Variants in ARHGAP24 observed in about 807,000 individuals in gnomAD.
The protein encoded by ARHGAP24 is rho GTPase-activating protein 24.
ARHGAP24 carries 50 observed loss-of-function variants against 76.4 expected under a neutral mutation model. The ratio of observed to expected loss-of-function variants is 0.65; its 90% CI spans 0.52 to 0.83. ARHGAP24 has a LOEUF of 0.83. ARHGAP24 is among the 40% of genes least tolerant of loss of function. The pLI is 0.00. For missense variants in ARHGAP24, 930 were observed against 914.2 expected, an observed-to-expected ratio of 1.02 and a Z score of -0.22; for synonymous variants, 345 against 323.3, an observed-to-expected ratio of 1.07 and a Z score of -0.72.
intron 2 of ARHGAP24, among the ~76,000 whole-genome samples, chr4:85,611,824 T>A (rs890892339): frequency 4.6e-5 from 7 of 152,204 alleles, no homozygotes; most frequent in African/African-American, 1.7e-4. Flanking sequence ...TGTGAGTACA[T>A]CTTGTTTTCA....
At chr4:85,671,667 C>CTT (rs568598092) in intron 2 of ARHGAP24, among the ~76,000 whole-genome samples, 3 of 152,122 alleles carry the variant, frequency 2.0e-5, no homozygotes, top group African/African-American at 7.2e-5. Context: ...TCCAAAAATA[C>CTT]TTTTTATGTA....
In ARHGAP24 at chr4:85,643,388, A is replaced by G. The variant is rs1392053992; in HGVS notation, c.180+72667A>G. Among the ~76,000 whole-genome samples the G allele has an allele frequency of 8.3e-5, 10 of 119,854 alleles. 3 individuals carry two copies. Among genetic ancestry groups the G allele is most frequent in the African/African-American group, 1.4e-4 (5 of 35,578 alleles). 78.6% of individuals were successfully genotyped at this position (119,854 alleles called of 152,430 possible). ...ATTCTCCTGCCTCAGCCTCCCCAGTAGCTGGGACTACAGGCGCCCGCCACC... is the reference window on the plus strand; with the variant it reads ...ATTCTCCTGCCTCAGCCTCCCCAGTGGCTGGGACTACAGGCGCCCGCCACC... On this transcript the variant is annotated intron_variant, in intron 2 of 9. Coordinates refer to ENST00000395184, the MANE Select transcript of ARHGAP24 (RefSeq NM_001025616.3).
At chr4:85,639,936 C>G (rs1008549976) in intron 2 of ARHGAP24, among the ~76,000 whole-genome samples, 1 of 152,092 alleles carries the variant, frequency 6.6e-6, no homozygotes, top group African/African-American at 2.4e-5. Context: ...AAAGCAATTT[C>G]TGTGTGTTAA....
At chr4:85,658,115 C>CT (rs1412483232) in intron 2 of ARHGAP24, among the ~76,000 whole-genome samples, 3 of 152,074 alleles carry the variant, frequency 2.0e-5, no homozygotes, top group Non-Finnish European at 4.4e-5. Context: ...TTGTTAAGAC[C>CT]TTTTTTTCAG....
chr4:85,582,066 G>A (rs1054697784), intron 2 of ARHGAP24, among the ~76,000 whole-genome samples: 1 of 152,034 alleles, frequency 6.6e-6, no homozygotes, highest in Non-Finnish European at 1.5e-5. Flanking sequence ...TTCTTTCAAT[G>A]AGCTAATACT....
chr4:85,920,874 A>G (rs1462492549), intron 3 of ARHGAP24, among the ~76,000 whole-genome samples: 1 of 152,218 alleles, frequency 6.6e-6, no homozygotes. Context: ...AAAAAATAAT[A>G]ATAACAAATG....
intron 3 of ARHGAP24, among the ~76,000 whole-genome samples, chr4:85,895,012 A>AAAAAAAAAAAAAAAAAAGC (rs1560701867): frequency 3.0e-5 from 1 of 33,400 alleles, no homozygotes; most frequent in Non-Finnish European, 7.8e-5. Flanking sequence ...AAAAAAAAAA[A>AAAAAAAAAAAAAAAAAAGC]AAAAAAAAAG....
intron 3 of ARHGAP24, among the ~76,000 whole-genome samples, chr4:85,897,738 C>T (rs556867454): frequency 6.6e-6 from 1 of 152,132 alleles, no homozygotes; most frequent in South Asian, 2.1e-4. Context: ...TTATTTATGA[C>T]ATTTTCCCAT....
At chr4:85,805,277 G>A (rs543816774) in intron 3 of ARHGAP24, among the ~76,000 whole-genome samples, 8 of 152,090 alleles carry the variant, frequency 5.3e-5, no homozygotes, top group South Asian at 4.2e-4. Flanking sequence ...TTCCCCTTGC[G>A]TCCTTTCGAA....
chr4:85,744,358 CTA>C (rs1347100718), intron 3 of ARHGAP24, among the ~76,000 whole-genome samples: 2 of 152,172 alleles, frequency 1.3e-5, no homozygotes. Context: ...ATCCCTGAAT[CTA>C]TGAATTTTTA....
chr4:85,760,003 G>A (rs934486386), intron 3 of ARHGAP24, among the ~76,000 whole-genome samples: 3 of 152,106 alleles, frequency 2.0e-5, no homozygotes, highest in Admixed American at 1.3e-4. Context: ...ACAGATAGCT[G>A]TGGGGTTTTG....
chr4:85,995,466 C>T lies in ARHGAP24; in HGVS notation c.1812C>T (p.Pro604=). The change falls in exon 9 of 10, where the codon CCC becomes CCT. Residue 604 remains proline (P), a synonymous_variant. Coordinates refer to ENST00000395184, the MANE Select transcript of ARHGAP24 (RefSeq NM_001025616.3). ...DGPPQDDLSH[P]RDYESKSDHR... is the part of the protein sequence containing the mutation. ...CCCCGCAGGACGACCTTTCCCACCC[C>T]AGGGACTATGAAAGCAAAAGTGACC... The T allele has an allele frequency of 6.2e-7, 1 of 1,603,906 alleles. No homozygotes were observed. The highest frequency in any genetic ancestry group is 1.3e-5 in the African/African-American group (1 of 74,684).
At chr4:85,593,632 C>T (rs769453564) in intron 2 of ARHGAP24, among the ~76,000 whole-genome samples, 13 of 151,986 alleles carry the variant, frequency 8.6e-5, no homozygotes, top group Admixed American at 3.9e-4. Flanking sequence ...GATTTGTATA[C>T]GGTGAGATAT....
At chr4:85,761,695 A>T (rs746464417) in intron 3 of ARHGAP24, among the ~76,000 whole-genome samples, 2 of 152,194 alleles carry the variant, frequency 1.3e-5, no homozygotes, top group Non-Finnish European at 2.9e-5. Flanking sequence ...ACTCAAAAAG[A>T]TGCCTAAAAT....
At chr4:85,893,796 G>T (rs1733973288) in intron 3 of ARHGAP24, among the ~76,000 whole-genome samples, 2 of 151,410 alleles carry the variant, frequency 1.3e-5, no homozygotes, top group Non-Finnish European at 2.9e-5. Context: ...CATGTCCTTT[G>T]TAGGGACATG....
chr4:85,682,577 A>C (rs1179146703), intron 2 of ARHGAP24, among the ~76,000 whole-genome samples: 1 of 152,236 alleles, frequency 6.6e-6, no homozygotes, highest in African/African-American at 2.4e-5. Context: ...GAAATGCAGA[A>C]TCATCAGTTT....
At chr4:85,894,952 C>T (rs1470218669) in intron 3 of ARHGAP24, among the ~76,000 whole-genome samples, 5 of 72,010 alleles carry the variant, frequency 6.9e-5, no homozygotes, top group African/African-American at 1.9e-4. Context: ...CAGAATGAGA[C>T]TCCCTCTCAA....
chr4:85,797,427 C>G (rs1728402850), intron 3 of ARHGAP24, among the ~76,000 whole-genome samples: 1 of 152,214 alleles, frequency 6.6e-6, no homozygotes, highest in South Asian at 2.1e-4. Flanking sequence ...CCCGCCTCGG[C>G]CTCCCAAAGT....
intron 2 of ARHGAP24, among the ~76,000 whole-genome samples, chr4:85,617,443 T>C (rs1218796301): frequency 6.6e-6 from 1 of 152,030 alleles, no homozygotes; most frequent in Non-Finnish European, 1.5e-5. Flanking sequence ...CATGCACATA[T>C]ATTGTTCCTC....
Sources: allele counts gnomAD v4.1 joint callset (sites outside exome capture counted in the v4.1 genomes callset), GRCh38; gene constraint gnomAD v4.1.1; transcripts MANE v1.5; gene names NCBI Gene and HGNC (gene_info 2026-07-23, HGNC 2026-07-21).